SNX8: variants seen among roughly 807,000 people sequenced by gnomAD.
The protein encoded by SNX8 is sorting nexin 8.
Under a neutral mutation model 51.6 loss-of-function variants are expected in SNX8, and 25 were observed. The observed-to-expected ratio is 0.48, with a 90% CI of 0.35 to 0.68. SNX8 has a LOEUF of 0.68. Ranked by LOEUF, SNX8 falls within the 30% of genes least tolerant of loss-of-function variation. SNX8 has a pLI of 0.00. For missense variants in SNX8, 695 were observed against 624.0 expected, an observed-to-expected ratio of 1.11 and a Z score of -1.21; for synonymous variants, 324 against 277.0, an observed-to-expected ratio of 1.17 and a Z score of -1.68.
chr7:2,331,212 G>GAAA (rs984986231), intron 1 of SNX8, among the ~76,000 whole-genome samples: 4 of 139,996 alleles, frequency 2.9e-5, no homozygotes, highest in African/African-American at 1.0e-4. Flanking sequence ...AAGAAAGAAA[G>GAAA]AAAAGAAAAG....
chr7:2,317,251 C>CTTTTTTTTTTT (rs780593342), upstream of SNX8, among the ~76,000 whole-genome samples: 11 of 43,116 alleles, frequency 2.6e-4, 2 homozygotes, highest in African/African-American at 7.1e-4. Context: ...CCTGGACCTT[C>CTTTTTTTTTTT]TTTTTTTTTT....
At chr7:2,351,896 T>C (rs1779149284) in intron 1 of SNX8, among the ~76,000 whole-genome samples, 1 of 130,096 alleles carries the variant, frequency 7.7e-6, no homozygotes, top group African/African-American at 2.6e-5. Context: ...GTTTTTGTTG[T>C]TGTTGTTGGT....
chr7:2,257,543 C>G (rs770860286), intron 8 of SNX8, 29 bp from the exon 9 acceptor site: 9 of 1,599,616 alleles, frequency 5.6e-6, no homozygotes, highest in Non-Finnish European at 7.6e-6. Flanking sequence ...CATTCGCCCG[C>G]TGTCTGGATG....
At chr7:2,314,226 A>C (rs1335145522) in intron 1 of SNX8, 102 bp downstream of exon 1, 6 of 1,170,482 alleles carry the variant, frequency 5.1e-6, no homozygotes, top group Non-Finnish European at 6.4e-6. Context: ...CGGGGGCAGG[A>C]AACGAGTCGG....
At chr7:2,304,306 A>G (rs1796492230) in intron 1 of SNX8, among the ~76,000 whole-genome samples, 1 of 152,160 alleles carries the variant, frequency 6.6e-6, no homozygotes, top group East Asian at 1.9e-4. Flanking sequence ...GCACTTTGGG[A>G]GGCCAAGGTG....
intron 1 of SNX8, among the ~76,000 whole-genome samples, chr7:2,312,448 C>G (rs1439811244): frequency 6.6e-6 from 1 of 152,180 alleles, no homozygotes; most frequent in African/African-American, 2.4e-5. Flanking sequence ...CTGAGACTCA[C>G]GCTGGCCTCC....
At chr7:2,283,975 A>G (rs1204209071) in intron 1 of SNX8, among the ~76,000 whole-genome samples, 1 of 152,080 alleles carries the variant, frequency 6.6e-6, no homozygotes, top group Admixed American at 6.6e-5. Flanking sequence ...TTGCATTTTT[A>G]GGAGACATGG....
intron 1 of SNX8, among the ~76,000 whole-genome samples, chr7:2,349,007 C>T (rs1583131051): frequency 7.3e-6 from 1 of 137,684 alleles, no homozygotes. Flanking sequence ...AGAACTACAA[C>T]CAAAAAATCA....
chr7:2,315,831 C>T (rs186580815), upstream of SNX8, among the ~76,000 whole-genome samples: 549 of 151,202 alleles, frequency 3.6e-3, 8 homozygotes, highest in Non-Finnish European at 5.3e-3. Context: ...CTTACTGCAT[C>T]CTGCATTCAT....
chr7:2,335,683 G>C (rs1778813840), intron 1 of SNX8, among the ~76,000 whole-genome samples: 1 of 149,412 alleles, frequency 6.7e-6, no homozygotes, highest in African/African-American at 2.5e-5. Context: ...GGCGCCTGTA[G>C]TCCCAGCCAC....
At chr7:2,321,257 C>G (rs576209143) in intron 1 of SNX8, among the ~76,000 whole-genome samples, 1 of 151,974 alleles carries the variant, frequency 6.6e-6, no homozygotes, top group Non-Finnish European at 1.5e-5. Flanking sequence ...TCCAGAATGC[C>G]GACAGGAGAG....
intron 5 of SNX8, among the ~76,000 whole-genome samples, chr7:2,267,687 C>T (rs1234921065): frequency 6.7e-6 from 1 of 149,414 alleles, no homozygotes; most frequent in Admixed American, 6.7e-5. Context: ...AGCCGCCTGC[C>T]TTGGCCTCCC....
intron 1 of SNX8, among the ~76,000 whole-genome samples, chr7:2,330,862 T>C (rs1778718059): frequency 1.3e-5 from 2 of 151,926 alleles, no homozygotes; most frequent in African/African-American, 4.8e-5. Context: ...GAAAAGAAGA[T>C]TAAATCATAA....
chr7:2,313,288 AGCT>A (rs1796695834), intron 1 of SNX8, among the ~76,000 whole-genome samples: 1 of 151,168 alleles, frequency 6.6e-6, no homozygotes, highest in Admixed American at 6.6e-5. Flanking sequence ...CACTCTGGGA[AGCT>A]GAGGTGGTTG....
chr7:2,320,417 T>C (rs1369267198), intron 1 of SNX8, among the ~76,000 whole-genome samples: 2 of 152,064 alleles, frequency 1.3e-5, no homozygotes, highest in African/African-American at 4.8e-5. Context: ...ATTTACTGTT[T>C]ATCAAAATTT....
rs10233504 is a variant in SNX8, at chr7:2,284,988, G to A, written c.95-6683C>T. 2.9e-4 allele frequency among the ~76,000 whole-genome samples: 44 copies of A among 151,922 alleles called. 1 individual carries two copies. Among genetic ancestry groups the A allele is most frequent in the African/African-American group, 9.2e-4 (38 of 41,488 alleles). ...AGCACTTTTGGAGGCTGAGGTGGGC[G>A]GATCACAAGGTCAGGAGATCGAGAC... On this transcript the variant is annotated intron_variant, in intron 1 of 10. Transcript: ENST00000222990.
chr7:2,323,718 C>T (rs921073512), intron 1 of SNX8, among the ~76,000 whole-genome samples: 3 of 152,216 alleles, frequency 2.0e-5, no homozygotes, highest in Non-Finnish European at 4.4e-5. Flanking sequence ...AGTACTACCA[C>T]GTGCCTGGCA....
intron 1 of SNX8, among the ~76,000 whole-genome samples, chr7:2,304,166 C>CAA (rs554309852): frequency 6.5e-5 from 5 of 76,588 alleles, no homozygotes; most frequent in South Asian, 8.2e-4. Flanking sequence ...GACTCCGTCT[C>CAA]AAAAAAAAAA....
At chr7:2,257,275 C>G (rs561285109) in intron 9 of SNX8, 90 bp downstream of exon 9, 1 of 1,457,980 alleles carries the variant, frequency 6.9e-7, no homozygotes, top group African/African-American at 1.4e-5. Context: ...AGGAGCCAAC[C>G]CAGGGGAGCC....
Sources: gnomAD v4.1 joint callset for allele counts (sites outside exome capture counted in the v4.1 genomes callset) on GRCh38, gnomAD v4.1.1 for gene constraint, MANE v1.5 for transcripts, NCBI Gene and HGNC (gene_info 2026-07-23, HGNC 2026-07-21) for gene names.